DCLK1: variants seen among roughly 807,000 people sequenced by gnomAD.
DCLK1 encodes serine/threonine-protein kinase DCLK1.
Under a neutral mutation model 86.2 loss-of-function variants are expected in DCLK1, and 16 were observed. The observed-to-expected ratio is 0.19, with a 90% CI of 0.13 to 0.28. DCLK1 has a LOEUF of 0.28. Ranked by LOEUF, DCLK1 falls within the 10% of genes least tolerant of loss-of-function variation. The pLI is 1.00. For synonymous variants in DCLK1, 369 were observed against 370.5 expected, an observed-to-expected ratio of 1.00 and a Z score of 0.05; for missense variants, 590 against 940.2, an observed-to-expected ratio of 0.63 and a Z score of 4.87.
chr13:35,800,359 G>C (rs1280333710), intron 15 of DCLK1, among the ~76,000 whole-genome samples: 1 of 152,216 alleles, frequency 6.6e-6, no homozygotes. Flanking sequence ...CAGGTTTAAA[G>C]GAGAGAAAAG....
intron 3 of DCLK1, among the ~76,000 whole-genome samples, chr13:36,055,112 G>A (rs1883255487): frequency 1.3e-5 from 2 of 152,180 alleles, no homozygotes; most frequent in South Asian, 4.1e-4. Context: ...AGAGATTAGA[G>A]AGGACTCAGA....
chr13:36,022,712 A>G (rs1475868355), intron 3 of DCLK1, among the ~76,000 whole-genome samples: 1 of 152,144 alleles, frequency 6.6e-6, no homozygotes, highest in Non-Finnish European at 1.5e-5. Context: ...CCAAAGAAGT[A>G]AAAAATCTAA....
At chr13:35,861,231 G>A (rs183860639) in intron 5 of DCLK1, among the ~76,000 whole-genome samples, 3 of 151,124 alleles carry the variant, frequency 2.0e-5, no homozygotes, top group Admixed American at 1.3e-4. Flanking sequence ...TGATGATTTG[G>A]GGTACAAGAA....
intron 3 of DCLK1, among the ~76,000 whole-genome samples, chr13:36,083,844 A>T (rs572403985): frequency 1.3e-5 from 2 of 152,192 alleles, no homozygotes; most frequent in Non-Finnish European, 2.9e-5. Flanking sequence ...TTTCTTTAAG[A>T]AACATTCTAT....
In DCLK1 at chr13:35,904,093, G is replaced by C. The variant is rs578254970; in HGVS notation, c.824-32753C>G. On this transcript the variant is annotated intron_variant, in intron 4 of 16. Coordinates refer to ENST00000360631, the MANE Select transcript of DCLK1 (RefSeq NM_001330071.2). ...AAAGCTGTGTGTTATGTGCAGAGGG[G>C]GTAGTACAAAGAGCTATGGATATTC... Among the ~76,000 whole-genome samples, 4 of 151,886 alleles carry C rather than the reference G, an allele frequency of 2.6e-5. No individual in the cohort carries two copies. The South Asian group carries it at 8.3e-4, about 32-fold the overall frequency.
At chr13:36,046,847 G>T (rs1882932466) in intron 3 of DCLK1, among the ~76,000 whole-genome samples, 1 of 152,186 alleles carries the variant, frequency 6.6e-6, no homozygotes, top group Non-Finnish European at 1.5e-5. Context: ...AGCACTGGTG[G>T]CCAAGTGAGT....
At chr13:36,069,201 A>G (rs765727248) in intron 3 of DCLK1, among the ~76,000 whole-genome samples, 2 of 152,202 alleles carry the variant, frequency 1.3e-5, no homozygotes, top group Admixed American at 6.5e-5. Context: ...AGTCCAGAAA[A>G]TAATGCTTGG....
intron 4 of DCLK1, among the ~76,000 whole-genome samples, chr13:35,919,281 T>C (rs1262517452): frequency 6.6e-6 from 1 of 152,176 alleles, no homozygotes; most frequent in Non-Finnish European, 1.5e-5. Context: ...TTCCCATCTT[T>C]GGGAAGAACA....
intron 6 of DCLK1, among the ~76,000 whole-genome samples, chr13:35,851,477 G>A (rs749509805): frequency 6.6e-6 from 1 of 151,776 alleles, no homozygotes; most frequent in African/African-American, 2.4e-5. Flanking sequence ...CTCCGGTTTT[G>A]TACCACCCAC....
chr13:36,080,934 C>G (rs1409608093), intron 3 of DCLK1, among the ~76,000 whole-genome samples: 1 of 152,048 alleles, frequency 6.6e-6, no homozygotes, highest in Admixed American at 6.6e-5. Flanking sequence ...ATTCTGTCAT[C>G]TAGTGGGTGG....
intron 3 of DCLK1, among the ~76,000 whole-genome samples, chr13:36,058,305 G>T (rs1219664371): frequency 6.6e-6 from 1 of 152,164 alleles, no homozygotes; most frequent in Non-Finnish European, 1.5e-5. Context: ...GAGCCTGATG[G>T]ACTGAGAAAG....
intron 3 of DCLK1, among the ~76,000 whole-genome samples, chr13:35,957,809 AT>A (rs1878082948): frequency 6.6e-6 from 1 of 152,076 alleles, no homozygotes; most frequent in African/African-American, 2.4e-5. Context: ...ATTAAAAGGC[AT>A]TTTTTATACA....
intron 11 of DCLK1, among the ~76,000 whole-genome samples, chr13:35,819,876 G>A (rs1482178173): frequency 6.6e-6 from 1 of 152,034 alleles, no homozygotes; most frequent in African/African-American, 2.4e-5. Context: ...TAATTACAAA[G>A]AAAGGGGAAA....
chr13:35,928,467 C>G (rs1004573206), intron 4 of DCLK1, among the ~76,000 whole-genome samples: 4 of 152,198 alleles, frequency 2.6e-5, no homozygotes, highest in Admixed American at 6.5e-5. Context: ...GTCACTGCTT[C>G]CTGAAGTCTT....
chr13:35,974,705 T>C (rs1368177346), intron 3 of DCLK1, among the ~76,000 whole-genome samples: 3 of 152,162 alleles, frequency 2.0e-5, no homozygotes, highest in Non-Finnish European at 2.9e-5. Context: ...AGCAGAAGCT[T>C]GTACAGCTCA....
intron 3 of DCLK1, among the ~76,000 whole-genome samples, chr13:36,005,707 G>T (rs912872230): frequency 6.6e-6 from 1 of 152,030 alleles, no homozygotes; most frequent in Non-Finnish European, 1.5e-5. Flanking sequence ...TGCTGGAGTT[G>T]GTAAAGAAAG....
chr13:35,906,705 T>C (rs1478566542), intron 4 of DCLK1, among the ~76,000 whole-genome samples: 1 of 152,172 alleles, frequency 6.6e-6, no homozygotes, highest in Non-Finnish European at 1.5e-5. Flanking sequence ...TCAAGTCAAC[T>C]GGCTCAGGGG....
At chr13:35,861,173 A>G (rs2153112273) in intron 5 of DCLK1, among the ~76,000 whole-genome samples, 1 of 152,322 alleles carries the variant, frequency 6.6e-6, no homozygotes. Flanking sequence ...CACCATAGGG[A>G]GAATGGTGAC....
intron 3 of DCLK1, among the ~76,000 whole-genome samples, chr13:35,978,047 A>G (rs1879436186): frequency 6.6e-6 from 1 of 152,142 alleles, no homozygotes; most frequent in Non-Finnish European, 1.5e-5. Flanking sequence ...ATATTAAGGA[A>G]GTATTACTAA....
Sources: allele counts gnomAD v4.1 joint callset (sites outside exome capture counted in the v4.1 genomes callset), GRCh38; gene constraint gnomAD v4.1.1; transcripts MANE v1.5; gene names NCBI Gene and HGNC (gene_info 2026-07-23, HGNC 2026-07-21).